Variants in MCTP1 observed in about 807,000 individuals in gnomAD.
The protein encoded by MCTP1 is multiple C2 and transmembrane domain containing 1.
Under a neutral mutation model 120.6 loss-of-function variants are expected in MCTP1, and 69 were observed. The observed-to-expected ratio is 0.57, with a 90% CI of 0.47 to 0.70. MCTP1 has a LOEUF of 0.70. MCTP1 is among the 30% of genes least tolerant of loss of function. The pLI is 0.00. For missense variants in MCTP1, 1,203 were observed against 1,248.8 expected, an observed-to-expected ratio of 0.96 and a Z score of 0.55; for synonymous variants, 529 against 493.1, an observed-to-expected ratio of 1.07 and a Z score of -0.96.
At chr5:94,732,429 T>C (rs986064306) in intron 19 of MCTP1, among the ~76,000 whole-genome samples, 2 of 143,026 alleles carry the variant, frequency 1.4e-5, no homozygotes, top group South Asian at 2.2e-4. Context: ...AGCCAAAAGA[T>C]TGGAAACCCC....
intron 1 of MCTP1, among the ~76,000 whole-genome samples, chr5:95,156,497 T>C (rs188819926): frequency 3.9e-5 from 6 of 152,340 alleles, no homozygotes; most frequent in African/African-American, 1.4e-4. Flanking sequence ...ATGATCCCCA[T>C]TCTCTAGTTA....
intron 1 of MCTP1, among the ~76,000 whole-genome samples, chr5:95,089,559 G>A (rs985986947): frequency 1.3e-5 from 2 of 152,136 alleles, no homozygotes; most frequent in African/African-American, 4.8e-5. Context: ...AATGTGAAGC[G>A]AAGTTTTCTA....
intron 20 of MCTP1, among the ~76,000 whole-genome samples, chr5:94,714,176 ATATT>A (rs888382764): frequency 5.9e-5 from 9 of 152,308 alleles, no homozygotes; most frequent in East Asian, 1.9e-4. Context: ...CAGTGAAGCT[ATATT>A]TATTTTATTT....
At chr5:94,754,515 A>G (rs1323465934) in intron 19 of MCTP1, among the ~76,000 whole-genome samples, 3 of 152,242 alleles carry the variant, frequency 2.0e-5, no homozygotes, top group Non-Finnish European at 4.4e-5. Context: ...TCATTCTGCA[A>G]TTTACAACTC....
At chr5:95,185,483 TTTAAAAATAG>T (rs1749106782) in intron 1 of MCTP1, among the ~76,000 whole-genome samples, 1 of 152,172 alleles carries the variant, frequency 6.6e-6, no homozygotes, top group African/African-American at 2.4e-5. Flanking sequence ...TTCATGGTTT[TTTAAAAATAG>T]AACTCTCAGG....
rs560981709 is a variant in MCTP1, at chr5:95,107,581, T to G, written c.721-90097A>C. On this transcript the variant is annotated intron_variant, in intron 1 of 22. Coordinates refer to ENST00000515393, the MANE Select transcript of MCTP1 (RefSeq NM_024717.7). ...GAGGTACAGCAAGCCTAAGTAAAGCTAAAAAGTAAATAAAGTTCTGCCTCA... is the reference window on the plus strand; with the variant it reads ...GAGGTACAGCAAGCCTAAGTAAAGCGAAAAAGTAAATAAAGTTCTGCCTCA... Among the ~76,000 whole-genome samples the G allele has an allele frequency of 4.9e-4, 74 of 152,310 alleles. 2 individuals carry two copies. In the Middle Eastern group the frequency reaches 0.017, roughly 35 times the overall value.
At chr5:94,713,202 C>G (rs1439149616) in intron 20 of MCTP1, among the ~76,000 whole-genome samples, 1 of 151,994 alleles carries the variant, frequency 6.6e-6, no homozygotes, top group African/African-American at 2.4e-5. Flanking sequence ...TCCATGTGAC[C>G]CCCAGGAGAA....
chr5:94,894,867 C>A, intron 10 of MCTP1, 32 bp from the exon 11 acceptor site: 1 of 989,330 alleles, frequency 1.0e-6, no homozygotes, highest in Non-Finnish European at 1.4e-6. Flanking sequence ...CAGCAAGTGG[C>A]TTTTTTTTTT....
At chr5:94,973,599 T>C (rs938169789) in intron 2 of MCTP1, among the ~76,000 whole-genome samples, 1 of 152,172 alleles carries the variant, frequency 6.6e-6, no homozygotes, top group East Asian at 1.9e-4. Context: ...CAATAAATAT[T>C]TGTTGGCTTG....
chr5:94,820,927 C>T (rs1184525059), intron 17 of MCTP1, among the ~76,000 whole-genome samples: 2 of 152,156 alleles, frequency 1.3e-5, no homozygotes, highest in Non-Finnish European at 2.9e-5. Context: ...AGGCGCTTTT[C>T]ATACTTGAGT....
intron 21 of MCTP1, chr5:94,710,525 A>C: frequency 6.9e-6 from 2 of 289,196 alleles, no homozygotes. Context: ...TAAATGGTGA[A>C]AATAAATCAG....
At chr5:95,111,453 A>G (rs1307641342) in intron 1 of MCTP1, among the ~76,000 whole-genome samples, 2 of 152,196 alleles carry the variant, frequency 1.3e-5, no homozygotes. Context: ...GGTATACAGA[A>G]TGACCAAGTT....
chr5:95,209,101 T>G (rs1188456822), intron 1 of MCTP1, among the ~76,000 whole-genome samples: 1 of 152,190 alleles, frequency 6.6e-6, no homozygotes, highest in Non-Finnish European at 1.5e-5. Context: ...AACATCCCAC[T>G]AATCCCATAT....
chr5:95,121,175 G>A (rs1246491456), intron 1 of MCTP1, among the ~76,000 whole-genome samples: 1 of 151,376 alleles, frequency 6.6e-6, no homozygotes, highest in African/African-American at 2.4e-5. Flanking sequence ...CCACTCAGGA[G>A]GCTGAGGCAG....
At chr5:95,129,909 C>A (rs1018127195) in intron 1 of MCTP1, among the ~76,000 whole-genome samples, 3 of 152,192 alleles carry the variant, frequency 2.0e-5, no homozygotes, top group Admixed American at 2.0e-4. Flanking sequence ...GATCCACCTG[C>A]CTTGGCCTCC....
At position 94,947,555 on chromosome 5, in the gene MCTP1, A is replaced by AATATATATATAT. The variant is rs377155852; in HGVS notation, c.982-5140_982-5129dup. On this transcript the variant is annotated intron_variant, in intron 3 of 22. Transcript: ENST00000515393. ...AAAATATTTTAGTGTTAGTTTACTA[A>AATATATATATAT]ATATATATATATATATATATATAGA... 7.2e-3 allele frequency among the ~76,000 whole-genome samples: 283 copies of AATATATATATAT among 39,398 alleles called. 17 individuals are homozygous for AATATATATATAT. Among genetic ancestry groups the AATATATATATAT allele is most frequent in the African/African-American group, 0.014 (129 of 9,060 alleles). The allele number at this position is 39,398 out of a possible 152,430, so 25.8% of individuals were successfully genotyped here.
chr5:94,833,347 CTG>C (rs1364372120), intron 17 of MCTP1, among the ~76,000 whole-genome samples: 1 of 151,960 alleles, frequency 6.6e-6, no homozygotes, highest in Admixed American at 6.6e-5. Flanking sequence ...ATTCTGGACA[CTG>C]TATCCTCCCT....
chr5:95,123,502 G>T (rs925007170), intron 1 of MCTP1, among the ~76,000 whole-genome samples: 6 of 152,102 alleles, frequency 3.9e-5, no homozygotes, highest in Admixed American at 6.6e-5. Context: ...AGTTTTCCAA[G>T]AACATCCACC....
intron 1 of MCTP1, among the ~76,000 whole-genome samples, chr5:95,255,183 T>G (rs1757755647): frequency 6.6e-6 from 1 of 152,176 alleles, no homozygotes; most frequent in African/African-American, 2.4e-5. Flanking sequence ...TCTGTAAAGA[T>G]CTTTCCAAAG....
Sources: gnomAD v4.1 joint callset for allele counts (sites outside exome capture counted in the v4.1 genomes callset) on GRCh38, gnomAD v4.1.1 for gene constraint, MANE v1.5 for transcripts, NCBI Gene and HGNC (gene_info 2026-07-23, HGNC 2026-07-21) for gene names.